Variants in ASS1 observed in about 807,000 individuals in gnomAD.
ASS1 encodes argininosuccinate synthase 1.
Under a neutral mutation model 60.5 loss-of-function variants are expected in ASS1, and 58 were observed. The ratio of observed to expected loss-of-function variants is 0.96; its 90% CI spans 0.78 to 1.19. ASS1 has a LOEUF of 1.19. Among genes scored for constraint, ASS1 ranks in the 50% most tolerant of loss-of-function variants. The pLI is 0.00. For synonymous variants in ASS1, 200 were observed against 206.9 expected (o/e 0.97, Z 0.29); for missense variants, 454 against 547.3 (o/e 0.83, Z 1.70).
intron 4 of ASS1, among the ~76,000 whole-genome samples, chr9:130,462,818 T>G (rs142613318): frequency 5.7e-4 from 87 of 152,260 alleles, no homozygotes; most frequent in African/African-American, 2.1e-3. Context: ...GCTCAAAGGA[T>G]TCAGTGAGTT....
At chr9:130,475,741 G>GTTTT (rs35568745) in intron 8 of ASS1, among the ~76,000 whole-genome samples, 10 of 101,368 alleles carry the variant, frequency 9.9e-5, no homozygotes, top group African/African-American at 1.9e-4. Flanking sequence ...TGTGCAAGGT[G>GTTTT]TTTTTTTTTT....
chr9:130,465,056 A>ATATATATATATTTTTTTTTTTTTTT (rs1479147331), intron 5 of ASS1, among the ~76,000 whole-genome samples: 20 of 120,120 alleles, frequency 1.7e-4, no homozygotes, highest in African/African-American at 7.2e-4. Flanking sequence ...ATATATATAT[A>ATATATATATATTTTTTTTTTTTTTT]TTTTTTTTTT....
rs73544005 is a variant in ASS1 at position 130,475,766 on chromosome 9, G to T, written c.598-1105G>T. ...GTTTTTTTTTTTTTTTTTTTTGGTGGGGGGGTGGGGGACGGAATCTTGCTC... is the reference window on the plus strand; with the variant it reads ...GTTTTTTTTTTTTTTTTTTTTGGTGTGGGGGTGGGGGACGGAATCTTGCTC... On this transcript the variant is annotated intron_variant, in intron 8 of 14. Coordinates refer to ENST00000352480, the MANE Select transcript of ASS1 (RefSeq NM_054012.4). Among the ~76,000 whole-genome samples, 948 of 147,734 alleles carry T rather than the reference G, an allele frequency of 6.4e-3. 12 individuals carry two copies. The highest frequency in any genetic ancestry group is 0.023 in the African/African-American group (919 of 39,916).
intron 1 of ASS1, chr9:130,451,748 G>T (rs1845331168): frequency 2.3e-6 from 1 of 428,642 alleles, no homozygotes; most frequent in South Asian, 1.7e-5. Flanking sequence ...TGGGGGCTCA[G>T]GGGCACAGGG....
At chr9:130,455,017 TCATC>T (rs1191656054) in intron 3 of ASS1, among the ~76,000 whole-genome samples, 5 of 128,970 alleles carry the variant, frequency 3.9e-5, no homozygotes, top group African/African-American at 9.0e-5. Flanking sequence ...CATTCACCCA[TCATC>T]CATCCATCCA....
intron 1 of ASS1, among the ~76,000 whole-genome samples, chr9:130,446,447 G>A (rs1322278531): frequency 5.3e-5 from 8 of 152,096 alleles, no homozygotes; most frequent in Non-Finnish European, 1.0e-4. Context: ...GTGGGGGCGG[G>A]ACCCTGTCCT....
At chr9:130,446,756 C>A (rs1845205459) in intron 1 of ASS1, among the ~76,000 whole-genome samples, 1 of 152,192 alleles carries the variant, frequency 6.6e-6, no homozygotes, top group African/African-American at 2.4e-5. Context: ...GGGAGGCCAG[C>A]CAGGTCAACC....
chr9:130,446,439 G>T (rs1014639533), intron 1 of ASS1, among the ~76,000 whole-genome samples: 2 of 152,176 alleles, frequency 1.3e-5, no homozygotes, highest in South Asian at 2.1e-4. Flanking sequence ...GTTTGGGGGT[G>T]GGGGCGGGAC....
At chr9:130,458,352 T>C (rs1314030368) in intron 3 of ASS1, 49 bp from the exon 4 acceptor site, 1 of 1,609,724 alleles carries the variant, frequency 6.2e-7, no homozygotes, top group African/African-American at 1.3e-5. Flanking sequence ...GTATGCCAGA[T>C]GGCCCCTGTC....
chr9:130,469,754 G>A (rs561396919), intron 6 of ASS1, among the ~76,000 whole-genome samples: 1 of 152,358 alleles, frequency 6.6e-6, no homozygotes, highest in Admixed American at 6.5e-5. Flanking sequence ...TTAAGGTGGT[G>A]ATGGGGAAAC....
chr9:130,487,757 CT>C (rs34850609), intron 11 of ASS1, among the ~76,000 whole-genome samples: 49,845 of 148,074 alleles, frequency 0.34, 9,500 homozygotes, highest in Middle Eastern at 0.49. Context: ...GATTTCCTTC[CT>C]TTTTTTTTTT....
chr9:130,458,208 T>C (rs1845492975), intron 3 of ASS1, among the ~76,000 whole-genome samples, 193 bp from the exon 4 acceptor site: 1 of 149,012 alleles, frequency 6.7e-6, no homozygotes, highest in African/African-American at 2.5e-5. Flanking sequence ...CTGCCATGAG[T>C]GCAGGAGGGA....
intron 2 of ASS1, among the ~76,000 whole-genome samples, chr9:130,453,934 A>G (rs999186179): frequency 2.6e-5 from 4 of 152,236 alleles, no homozygotes; most frequent in Admixed American, 6.5e-5. Flanking sequence ...TGACAAGCTA[A>G]TCTTTGCACT....
chr9:130,473,148 G>C (rs536530703), intron 8 of ASS1, among the ~76,000 whole-genome samples: 1 of 152,276 alleles, frequency 6.6e-6, no homozygotes, highest in South Asian at 2.1e-4. Flanking sequence ...ACCCACACTT[G>C]GGTCCCAGAG....
In ASS1 at chr9:130,471,479, C is replaced by G. The variant is rs1554722504; in HGVS notation, c.567-6C>G. On this transcript the variant is annotated splice_region_variant and splice_polypyrimidine_tract_variant and intron_variant, in intron 7 of 14. Coordinates refer to ENST00000352480, the MANE Select transcript of ASS1 (RefSeq NM_054012.4). ...GCTGACCCTGTCTTTCCTTTCCCCT[C>G]CGCAGCTACGAGGCTGGAATCCTGG... The G allele has an allele frequency of 1.9e-6, 3 of 1,614,148 alleles. No homozygotes were observed. Among genetic ancestry groups the G allele is most frequent in the Non-Finnish European group, 2.5e-6 (3 of 1,179,996 alleles).
rs57755925 is a variant in ASS1, at chr9:130,490,604, C to G, written c.970+1140C>G. The stretch of plus-strand genomic sequence containing the variant: ...GCTAGGATTACAGGCATGAGCCACT[C>G]TGTCTGGCCAGTTTTTACATTTTTA... On this transcript the variant is annotated intron_variant, in intron 12 of 14. Transcript: ENST00000352480. Among the ~76,000 whole-genome samples the G allele has an allele frequency of 3.9e-3, 598 of 152,258 alleles. 6 individuals are homozygous for G. The highest frequency in any genetic ancestry group is 0.013 in the African/African-American group (558 of 41,538).
intron 8 of ASS1, among the ~76,000 whole-genome samples, chr9:130,473,593 A>G (rs1845927471): frequency 6.6e-6 from 1 of 152,138 alleles, no homozygotes; most frequent in South Asian, 2.1e-4. Context: ...GTGGGGCTCA[A>G]CGTCAGGACG....
At position 130,489,217 on chromosome 9, in the gene ASS1, T is replaced by C. The variant is rs1169448973; in HGVS notation, c.839-116T>C. ...AGTGAATGGGTCCGGCCGGCTTGTC[T>C]CCTGTCAGACGACTCATTATTATTA... On this transcript the variant is annotated intron_variant, in intron 11 of 14. Transcript: ENST00000352480. This position sits in a 1 kb window ranked among gnomAD's most constrained non-coding sequence, Gnocchi z 4.1. The C allele has an allele frequency of 5.6e-6, 8 of 1,437,954 alleles. No individual in the cohort carries two copies. The highest frequency in any genetic ancestry group is 7.6e-6 in the Non-Finnish European group (8 of 1,052,804). The allele number at this position is 1,437,954 out of a possible 1,614,324, so 89.1% of individuals were successfully genotyped here.
At chr9:130,463,931 G>A (rs755678990) in intron 4 of ASS1, among the ~76,000 whole-genome samples, 180 bp from the exon 5 acceptor site, 2 of 152,050 alleles carry the variant, frequency 1.3e-5, no homozygotes, top group East Asian at 3.9e-4. Flanking sequence ...GTCCCCAGAC[G>A]TGCACATCTC....
Sources: allele counts gnomAD v4.1 joint callset (sites outside exome capture counted in the v4.1 genomes callset), GRCh38; gene constraint gnomAD v4.1.1; non-coding constraint Gnocchi (gnomAD v3.1); transcripts MANE v1.5; gene names NCBI Gene and HGNC (gene_info 2026-07-23, HGNC 2026-07-21).